DYRK4: variants seen among roughly 807,000 people sequenced by gnomAD.
DYRK4 encodes the protein dual specificity tyrosine phosphorylation regulated kinase 4.
A neutral mutation model predicts 68.3 loss-of-function variants in DYRK4; 64 were observed. The observed-to-expected ratio is 0.94, with a 90% CI of 0.77 to 1.15. DYRK4 has a LOEUF of 1.15. DYRK4 is among the 50% of genes most tolerant of loss of function. The probability of loss-of-function intolerance (pLI) is 0.00; values close to 1 mark genes in which losing one functional copy is unlikely to be tolerated. For synonymous variants in DYRK4, 274 were observed against 289.9 expected (o/e 0.95, Z 0.56); for missense variants, 740 against 764.7 (o/e 0.97, Z 0.38).
intron 10 of DYRK4, among the ~76,000 whole-genome samples, chr12:4,599,996 T>G (rs1290688245): frequency 1.3e-5 from 2 of 152,226 alleles, no homozygotes; most frequent in African/African-American, 4.8e-5. Flanking sequence ...GCTTTCAAGC[T>G]CTCATATTCT....
chr12:4,562,367 T>G (rs1179800650), intron 1 of DYRK4, 84 bp downstream of exon 1: 6 of 1,464,064 alleles, frequency 4.1e-6, no homozygotes, highest in Non-Finnish European at 5.4e-6. Flanking sequence ...GACGGGGTCG[T>G]GGGGGGAGAA....
chr12:4,601,754 T>A (rs1328074651), intron 10 of DYRK4, among the ~76,000 whole-genome samples: 1 of 152,128 alleles, frequency 6.6e-6, no homozygotes, highest in Non-Finnish European at 1.5e-5. Context: ...TTTTCAAAAT[T>A]TTCTCTTGGA....
chr12:4,612,114 A>G (rs956136630), intron 13 of DYRK4, among the ~76,000 whole-genome samples: 1 of 152,222 alleles, frequency 6.6e-6, no homozygotes, highest in African/African-American at 2.4e-5. Flanking sequence ...ATTGGATTAT[A>G]TCCAAGTCCC....
At chr12:4,571,609 T>G (rs1944730962) in intron 2 of DYRK4, among the ~76,000 whole-genome samples, 1 of 152,236 alleles carries the variant, frequency 6.6e-6, no homozygotes, top group African/African-American at 2.4e-5. Context: ...GTATTTTATT[T>G]TATTTATATC....
intron 2 of DYRK4, among the ~76,000 whole-genome samples, chr12:4,574,323 T>C (rs900783883): frequency 2.0e-5 from 3 of 152,010 alleles, no homozygotes; most frequent in Non-Finnish European, 4.4e-5. Context: ...AGATAACTAC[T>C]CTCTTGAGTT....
intron 11 of DYRK4, 113 bp from the exon 12 acceptor site, chr12:4,607,214 T>G: frequency 8.4e-7 from 1 of 1,187,680 alleles, no homozygotes; most frequent in Non-Finnish European, 1.2e-6. Context: ...TATTACTTAA[T>G]GCTTTGAATC....
intron 1 of DYRK4, among the ~76,000 whole-genome samples, chr12:4,567,062 C>T (rs1944684330): frequency 6.6e-6 from 1 of 152,110 alleles, no homozygotes; most frequent in Admixed American, 6.5e-5. Flanking sequence ...CATATGTGTG[C>T]CATGAATTGT....
At chr12:4,572,649 C>A (rs915580207) in intron 2 of DYRK4, among the ~76,000 whole-genome samples, 1 of 152,186 alleles carries the variant, frequency 6.6e-6, no homozygotes, top group Non-Finnish European at 1.5e-5. Context: ...GTGTCCATTT[C>A]ATCACCAGGT....
intron 2 of DYRK4, among the ~76,000 whole-genome samples, chr12:4,579,120 C>T (rs764538337): frequency 2.6e-5 from 4 of 151,906 alleles, no homozygotes; most frequent in Non-Finnish European, 5.9e-5. Context: ...ACTAAAAATA[C>T]AAAAATTAGC....
At chr12:4,572,193 G>C (rs537684309) in intron 2 of DYRK4, among the ~76,000 whole-genome samples, 1 of 152,318 alleles carries the variant, frequency 6.6e-6, no homozygotes, top group South Asian at 2.1e-4. Context: ...GAACTGAATA[G>C]ACCAGTGGTT....
chr12:4,602,602 G>A (rs1945094046), intron 10 of DYRK4: 3 of 1,329,550 alleles, frequency 2.3e-6, no homozygotes, highest in African/African-American at 1.4e-5. Context: ...AATCTTTGCT[G>A]CAGAATCTTC....
intron 10 of DYRK4, among the ~76,000 whole-genome samples, chr12:4,600,167 G>T (rs1260045846): frequency 6.6e-6 from 1 of 152,176 alleles, no homozygotes; most frequent in African/African-American, 2.4e-5. Context: ...CTGAAGTTTG[G>T]AATTCACTGC....
rs368524975 is a variant in DYRK4, at chr12:4,607,350, C to T, written c.1323C>T (p.Gly441=). 5.0e-6 allele frequency: 8 copies of T among 1,614,094 alleles called. No homozygotes were observed. Among genetic ancestry groups the T allele is most frequent in the African/African-American group, 2.7e-5 (2 of 74,938 alleles). ...AGGTGCTGGGTCTGCCGCCAGCCGGCTTCATTCAGACAGCCTCCAGGAGAC... is the reference window on the plus strand; with the variant it reads ...AGGTGCTGGGTCTGCCGCCAGCCGGTTTCATTCAGACAGCCTCCAGGAGAC... ...IMEVLGLPPA[G]FIQTASRRQT... The change falls in exon 12 of 15, where the codon GGC becomes GGT. Residue 441 remains glycine (G), a synonymous_variant. Coordinates refer to ENST00000543431, the MANE Select transcript of DYRK4 (RefSeq NM_001394779.1).
At chr12:4,609,902 C>T (rs2137408566) in intron 12 of DYRK4, 1 of 260,588 alleles carries the variant, frequency 3.8e-6, no homozygotes, top group East Asian at 6.8e-5. Flanking sequence ...GGAGAGGAGG[C>T]AGTGGGAAGG....
At chr12:4,573,130 A>G (rs1254566594) in intron 2 of DYRK4, 1 of 390,394 alleles carries the variant, frequency 2.6e-6, no homozygotes, top group African/African-American at 2.1e-5. Flanking sequence ...TGTTAAATGC[A>G]AATGGAAGAC....
At chr12:4,611,949 A>G (rs113060636) in intron 13 of DYRK4, among the ~76,000 whole-genome samples, 1 of 152,240 alleles carries the variant, frequency 6.6e-6, no homozygotes, top group African/African-American at 2.4e-5. Context: ...TTGGCACAAT[A>G]AAAGTCAAGA....
chr12:4,613,732 C>T lies in DYRK4; in HGVS notation c.1884C>T (p.Asn628=), dbSNP rs772885275. 8.3e-6 allele frequency: 13 copies of T among 1,572,590 alleles called. No individual in the cohort carries two copies. The highest frequency in any genetic ancestry group is 1.1e-5 in the Non-Finnish European group (13 of 1,151,678). The change falls in exon 15 of 15, where the codon AAC becomes AAT. Residue 628 remains asparagine, a synonymous_variant. Transcript: ENST00000543431. This position sits in a 1 kb window ranked among gnomAD's most constrained non-coding sequence, Gnocchi z 4.0. ...QSKNFSLKNT[N]VLPPIV ...AAAACTTCTCCCTCAAGAACACAAA[C>T]GTTTTACCCCCTATTGTATGACCTT... is the stretch of plus-strand genomic sequence containing the variant.
intron 2 of DYRK4, 54 bp downstream of exon 2, chr12:4,568,102 G>C: frequency 6.9e-7 from 1 of 1,452,834 alleles, no homozygotes; most frequent in Non-Finnish European, 9.3e-7. Context: ...CGAGGTCCTA[G>C]GGACTCAGGA....
rs375221250 is a variant in DYRK4 at position 4,607,957 on chromosome 12, C to T, written c.1360+570C>T. Among the ~76,000 whole-genome samples, 12 of 152,276 alleles carry T rather than the reference C, an allele frequency of 7.9e-5. No individual in the cohort carries two copies. In the East Asian group the frequency reaches 1.2e-3, roughly 15 times the overall value. On this transcript the variant is annotated intron_variant, in intron 12 of 14. Transcript: ENST00000543431. ...CTGTCTGATTGTTGGGAGTAAACTT[C>T]GTCCACAGTCCAGGCTGCCCCTCTC...
Sources: gnomAD v4.1 joint callset for allele counts (sites outside exome capture counted in the v4.1 genomes callset) on GRCh38, gnomAD v4.1.1 for gene constraint, Gnocchi (gnomAD v3.1) non-coding constraint, MANE v1.5 for transcripts, NCBI Gene and HGNC (gene_info 2026-07-23, HGNC 2026-07-21) for gene names.